The following ARL15 variants were observed in gnomAD, a reference collection of about 807,000 sequenced individuals.
ARL15 encodes ARF like GTPase 15, also known as ADP-ribosylation factor-like protein 15.
A neutral mutation model predicts 25.2 loss-of-function variants in ARL15; 19 were observed. The observed-to-expected ratio is 0.75, with a 90% CI of 0.53 to 1.10. The LOEUF is 1.10. Ranked by LOEUF, ARL15 falls within the 50% of genes least tolerant of loss-of-function variation. The pLI is 0.00. For missense variants in ARL15, 220 were observed against 246.0 expected (o/e 0.89, Z 0.71); for synonymous variants, 94 against 86.8 (o/e 1.08, Z -0.46).
In ARL15 at chr5:54,027,924, C is replaced by CT. The variant is rs1023016707; in HGVS notation, c.462+85277dup. On this transcript the variant is annotated intron_variant, in intron 4 of 4. Coordinates refer to ENST00000504924, the MANE Select transcript of ARL15 (RefSeq NM_019087.3). ...AGTAATAGACAGTATTTCTTTCTTT[C>CT]TTTTTTTTTTGAGACGGAGTCTTGT... Among the ~76,000 whole-genome samples, 106 of 148,606 alleles carry CT rather than the reference C, an allele frequency of 7.1e-4. 1 individual carries two copies. The Middle Eastern group carries it at 0.01, about 15-fold the overall frequency.
chr5:54,197,164 T>A (rs1755573907), intron 1 of ARL15, among the ~76,000 whole-genome samples: 1 of 152,016 alleles, frequency 6.6e-6, no homozygotes, highest in African/African-American at 2.4e-5. Context: ...TAGACTGAAG[T>A]GTAGTAGCAG....
chr5:54,031,751 C>T (rs1310298155), intron 4 of ARL15, among the ~76,000 whole-genome samples: 1 of 152,034 alleles, frequency 6.6e-6, no homozygotes, highest in Non-Finnish European at 1.5e-5. Flanking sequence ...TGTCCTTCAC[C>T]CGAGACTTCG....
At chr5:54,030,267 C>T (rs1269220647) in intron 4 of ARL15, among the ~76,000 whole-genome samples, 1 of 152,046 alleles carries the variant, frequency 6.6e-6, no homozygotes, top group Non-Finnish European at 1.5e-5. Flanking sequence ...GTATAAGACA[C>T]ATAAGGGCTT....
intron 1 of ARL15, among the ~76,000 whole-genome samples, chr5:54,269,224 G>GAATAA (rs200457189): frequency 3.3e-5 from 5 of 151,628 alleles, no homozygotes; most frequent in South Asian, 2.1e-4. Context: ...AGTATAATAA[G>GAATAA]AATAAAATAA....
intron 1 of ARL15, among the ~76,000 whole-genome samples, chr5:54,226,516 A>G (rs1247765240): frequency 6.6e-6 from 1 of 152,232 alleles, no homozygotes; most frequent in Non-Finnish European, 1.5e-5. Flanking sequence ...ATATCAGAAG[A>G]CCAAGCTAGG....
chr5:54,108,290 T>C (rs1752645867), intron 4 of ARL15, among the ~76,000 whole-genome samples: 2 of 152,090 alleles, frequency 1.3e-5, no homozygotes, highest in East Asian at 1.9e-4. Context: ...CTGTAAGGAA[T>C]GAACGAAAAA....
At chr5:54,287,249 C>T (rs1579983870) in intron 1 of ARL15, among the ~76,000 whole-genome samples, 1 of 152,004 alleles carries the variant, frequency 6.6e-6, no homozygotes, top group African/African-American at 2.4e-5. Flanking sequence ...AAGACCAAAC[C>T]CTAGCATCAG....
At chr5:54,204,933 C>CCTT (rs1755824418) in intron 1 of ARL15, among the ~76,000 whole-genome samples, 1 of 138,178 alleles carries the variant, frequency 7.2e-6, no homozygotes, top group African/African-American at 2.7e-5. Context: ...ATTCCCTTGC[C>CCTT]TTTTTTTTTT....
chr5:54,208,994 C>T (rs550494586), intron 1 of ARL15, among the ~76,000 whole-genome samples: 1 of 152,110 alleles, frequency 6.6e-6, no homozygotes, highest in Non-Finnish European at 1.5e-5. Context: ...ATGATGAGGA[C>T]GTAGCAAACT....
intron 4 of ARL15, among the ~76,000 whole-genome samples, chr5:53,923,862 C>CT (rs763251548): frequency 1.0e-4 from 15 of 150,064 alleles, no homozygotes; most frequent in South Asian, 6.6e-4. Context: ...AAGACTCCGT[C>CT]TCAAAAAAAT....
chr5:54,096,403 T>C (rs1364751220), intron 4 of ARL15, among the ~76,000 whole-genome samples: 1 of 152,146 alleles, frequency 6.6e-6, no homozygotes, highest in African/African-American at 2.4e-5. Context: ...AGCAATGACA[T>C]TTCATTTCAT....
At chr5:54,294,358 A>ATATGTATATT (rs1390687881) in intron 1 of ARL15, among the ~76,000 whole-genome samples, 4 of 152,232 alleles carry the variant, frequency 2.6e-5, no homozygotes, top group African/African-American at 9.6e-5. Context: ...AAAGAAAGAC[A>ATATGTATATT]TATGTATATT....
chr5:54,069,184 G>T (rs1751338621), intron 4 of ARL15, among the ~76,000 whole-genome samples: 1 of 152,140 alleles, frequency 6.6e-6, no homozygotes, highest in Admixed American at 6.5e-5. Context: ...TATGGATGAT[G>T]AGGGTAATAA....
intron 4 of ARL15, among the ~76,000 whole-genome samples, chr5:53,952,794 T>G (rs1747021233): frequency 6.6e-6 from 1 of 152,204 alleles, no homozygotes; most frequent in Non-Finnish European, 1.5e-5. Context: ...GCACTGGGAT[T>G]TCACAGTGTC....
intron 1 of ARL15, among the ~76,000 whole-genome samples, chr5:54,301,203 G>T (rs750993180): frequency 1.3e-5 from 2 of 151,950 alleles, no homozygotes; most frequent in African/African-American, 4.8e-5. Context: ...ATTTTTCATC[G>T]TACAGGAGCA....
intron 1 of ARL15, among the ~76,000 whole-genome samples, chr5:54,202,989 T>G (rs1466208048): frequency 2.6e-5 from 4 of 152,286 alleles, no homozygotes; most frequent in Non-Finnish European, 5.9e-5. Flanking sequence ...AAAAAGTTAA[T>G]GTAATTATTC....
chr5:54,156,812 G>A (rs866753432), intron 2 of ARL15, among the ~76,000 whole-genome samples: 3 of 152,202 alleles, frequency 2.0e-5, no homozygotes, highest in Non-Finnish European at 4.4e-5. Flanking sequence ...ATGAGCAGGA[G>A]GAAAGAGGAG....
intron 1 of ARL15, among the ~76,000 whole-genome samples, chr5:54,209,797 T>C (rs936245221): frequency 1.3e-5 from 2 of 152,204 alleles, no homozygotes; most frequent in Non-Finnish European, 2.9e-5. Context: ...AAGTCAACAT[T>C]CTTCCAGAGT....
In ARL15 at chr5:54,310,568, A is replaced by C. The variant is rs938262542; in HGVS notation, c.-89T>G. The C allele has an allele frequency of 2.6e-5, 38 of 1,434,780 alleles. No homozygotes were observed. Among genetic ancestry groups the C allele is most frequent in the African/African-American group, 1.2e-4 (8 of 69,324 alleles). The allele number at this position is 1,434,780 out of a possible 1,614,324, so 88.9% of individuals were successfully genotyped here. A position where few individuals can be genotyped will look rare whatever the true frequency, so the allele number is the denominator to read the frequency against. ...CGAGCGAGCAGCTCCTGAAAAAGCC[A>C]GCAACAGCGAAAATAGCCGAAAGCA... On this transcript the variant is annotated 5_prime_UTR_variant, in exon 1 of 5. Coordinates refer to ENST00000504924, the MANE Select transcript of ARL15 (RefSeq NM_019087.3).
Sources: allele counts gnomAD v4.1 joint callset (sites outside exome capture counted in the v4.1 genomes callset), GRCh38; gene constraint gnomAD v4.1.1; transcripts MANE v1.5; gene names NCBI Gene and HGNC (gene_info 2026-07-23, HGNC 2026-07-21).